The following DISP1 variants were observed in gnomAD, a reference collection of about 807,000 sequenced individuals.
DISP1 encodes dispatched RND transporter family member 1.
In DISP1, 30 loss-of-function variants were observed where a neutral mutation model predicts 37.3. That is an observed-to-expected ratio of 0.80 (90% CI 0.60 to 1.09). The LOEUF (loss-of-function observed/expected upper bound fraction) is 1.09, where lower values mean the gene tolerates loss of function less well. DISP1 is among the 50% of genes least tolerant of loss of function. DISP1 has a pLI of 0.00. For missense variants in DISP1, 1,598 were observed against 1,879.5 expected (o/e 0.85, Z 2.77); for synonymous variants, 634 against 690.2 (o/e 0.92, Z 1.28).
chr1:222,960,921 A>T (rs1292434926), intron 3 of DISP1, among the ~76,000 whole-genome samples: 1 of 152,198 alleles, frequency 6.6e-6, no homozygotes, highest in Admixed American at 6.5e-5. Flanking sequence ...ACCAGGAAGA[A>T]GTTGAATCCT....
At chr1:222,989,806 G>GT (rs5781293) in intron 4 of DISP1, among the ~76,000 whole-genome samples, 10 of 141,460 alleles carry the variant, frequency 7.1e-5, no homozygotes, top group African/African-American at 1.8e-4. Context: ...GTTTAGTTTA[G>GT]TTTTTTTTTT....
intron 1 of DISP1, among the ~76,000 whole-genome samples, chr1:222,906,704 C>T (rs997756469): frequency 6.6e-6 from 1 of 152,194 alleles, no homozygotes; most frequent in Non-Finnish European, 1.5e-5. Flanking sequence ...ATGAATAATC[C>T]ACCCCTTGTT....
chr1:222,979,418 T>G (rs1333057401), intron 3 of DISP1, among the ~76,000 whole-genome samples: 1 of 148,532 alleles, frequency 6.7e-6, no homozygotes, highest in East Asian at 2.0e-4. Flanking sequence ...AAAAAAAAAT[T>G]TAAATTTAAA....
chr1:222,871,317 A>G (rs898613095), intron 1 of DISP1, among the ~76,000 whole-genome samples: 2 of 152,234 alleles, frequency 1.3e-5, no homozygotes, highest in African/African-American at 2.4e-5. Flanking sequence ...GTTTTTTCCA[A>G]TTCTGTGAAG....
chr1:222,933,807 GATT>G (rs1453411928), intron 2 of DISP1, among the ~76,000 whole-genome samples: 1 of 151,912 alleles, frequency 6.6e-6, no homozygotes, highest in Non-Finnish European at 1.5e-5. Flanking sequence ...GAGGGAAGAA[GATT>G]ATATTTCTTT....
At chr1:222,925,999 T>C (rs1204772201) in intron 1 of DISP1, among the ~76,000 whole-genome samples, 9 of 152,188 alleles carry the variant, frequency 5.9e-5, no homozygotes, top group Non-Finnish European at 1.0e-4. Flanking sequence ...CACAGGACTG[T>C]GCAAACATCA....
chr1:222,884,938 G>A (rs1255143712), intron 1 of DISP1, among the ~76,000 whole-genome samples: 1 of 152,094 alleles, frequency 6.6e-6, no homozygotes, highest in Admixed American at 6.5e-5. Flanking sequence ...CTGGGTTCAC[G>A]CCATTCTCCT....
intron 1 of DISP1, among the ~76,000 whole-genome samples, chr1:222,914,929 T>C (rs1414307375): frequency 1.3e-5 from 2 of 152,306 alleles, no homozygotes; most frequent in African/African-American, 4.8e-5. Context: ...ATTGTACCAC[T>C]GCAGTCCAGC....
At chr1:222,861,416 A>G (rs1354526816) in intron 1 of DISP1, among the ~76,000 whole-genome samples, 1 of 152,156 alleles carries the variant, frequency 6.6e-6, no homozygotes, top group Non-Finnish European at 1.5e-5. Flanking sequence ...TTCACTATTT[A>G]TTCAGTGGCT....
intron 3 of DISP1, among the ~76,000 whole-genome samples, chr1:222,944,774 A>G (rs964577008): frequency 3.9e-5 from 6 of 152,252 alleles, no homozygotes; most frequent in African/African-American, 1.2e-4. Flanking sequence ...TTTGCTCAGC[A>G]TAATATTTTT....
intron 7 of DISP1, 121 bp downstream of exon 7, chr1:222,992,231 G>T: frequency 1.2e-6 from 1 of 821,544 alleles, no homozygotes; most frequent in Non-Finnish European, 2.1e-6. Flanking sequence ...TGTTGCTGTT[G>T]AACCTAAAGA....
At chr1:222,831,539 T>C (rs915015384) in intron 1 of DISP1, among the ~76,000 whole-genome samples, 2 of 152,346 alleles carry the variant, frequency 1.3e-5, no homozygotes, top group Middle Eastern at 3.4e-3. Flanking sequence ...TTTAATAAGC[T>C]GTATACTAGT....
At chr1:222,892,908 T>C (rs1380887242) in intron 1 of DISP1, among the ~76,000 whole-genome samples, 1 of 152,244 alleles carries the variant, frequency 6.6e-6, no homozygotes, top group African/African-American at 2.4e-5. Flanking sequence ...GTCTGGAATG[T>C]TTGTCATGAA....
At position 223,002,735 on chromosome 1, in the gene DISP1, G is replaced by A. The variant is rs1240466429; in HGVS notation, c.1338G>A (p.Thr446=). Residue 446 remains threonine, a synonymous_variant, in exon 9 of 9, where the codon ACG becomes ACA. Coordinates refer to ENST00000675850, the MANE Select transcript of DISP1 (RefSeq NM_001377229.1). ...FMTPKTADYA[T]PALKYSMLFS... ...CCCCAAAGACGGCTGACTATGCCAC[G>A]CCAGCTTTAAAATACAGCATGCTCT... The A allele has an allele frequency of 7.4e-6, 12 of 1,613,996 alleles. No homozygotes were observed. The highest frequency in any genetic ancestry group is 4.5e-5 in the East Asian group (2 of 44,884).
intron 2 of DISP1, among the ~76,000 whole-genome samples, chr1:222,936,747 CATATATATGATATATAAAAATTATATATA>C (rs1673800186): frequency 1.6e-5 from 1 of 63,710 alleles, no homozygotes; most frequent in African/African-American, 6.3e-5. Flanking sequence ...AATTATATAT[CATATATATGATATATAAAAATTATATATA>C]TCATATATAA....
At chr1:222,847,302 G>A (rs977932584) in intron 1 of DISP1, among the ~76,000 whole-genome samples, 1 of 152,078 alleles carries the variant, frequency 6.6e-6, no homozygotes, top group Non-Finnish European at 1.5e-5. Flanking sequence ...CCCTGTTCTA[G>A]TCCTGTACTC....
In DISP1 at chr1:222,929,370, T is replaced by C. The variant is rs549088170; in HGVS notation, c.-18+800T>C. On this transcript the variant is annotated intron_variant, in intron 2 of 8. Transcript: ENST00000675850. The stretch of plus-strand genomic sequence containing the variant: ...ATATGTTTATGTTTGGTGTAAAATA[T>C]ACATTAAAAAATTAAACAGAGAAAT... Among the ~76,000 whole-genome samples the C allele has an allele frequency of 1.4e-4, 22 of 152,258 alleles. No individual in the cohort carries two copies. The East Asian group carries it at 3.7e-3, about 25-fold the overall frequency.
chr1:222,895,115 C>G (rs1426149105), intron 1 of DISP1, among the ~76,000 whole-genome samples: 1 of 152,152 alleles, frequency 6.6e-6, no homozygotes, highest in Non-Finnish European at 1.5e-5. Flanking sequence ...TCTCAGTTTT[C>G]TTTCCAAAGG....
At chr1:222,896,203 T>C (rs897703774) in intron 1 of DISP1, among the ~76,000 whole-genome samples, 4 of 152,020 alleles carry the variant, frequency 2.6e-5, no homozygotes, top group Admixed American at 1.3e-4. Context: ...CAGCTACCGG[T>C]AGGCCGAAAT....
Sources: allele counts gnomAD v4.1 joint callset (sites outside exome capture counted in the v4.1 genomes callset), GRCh38; gene constraint gnomAD v4.1.1; transcripts MANE v1.5; gene names NCBI Gene and HGNC (gene_info 2026-07-23, HGNC 2026-07-21).